Variants in ZNF425 observed in about 807,000 individuals in gnomAD.
ZNF425 encodes the protein zinc finger protein 425.
ZNF425 carries 21 observed loss-of-function variants against 17.0 expected under a neutral mutation model. The ratio of observed to expected loss-of-function variants is 1.23; its 90% confidence interval spans 0.88 to 1.78. ZNF425 has a LOEUF of 1.78. Among genes scored for constraint, ZNF425 ranks in the 40% most tolerant of loss-of-function variants. The probability of loss-of-function intolerance (pLI) is 0.00; values close to 1 mark genes in which losing one functional copy is unlikely to be tolerated. For synonymous variants in ZNF425, 433 were observed against 384.1 expected (o/e 1.13, Z -1.49); for missense variants, 868 against 967.3 (o/e 0.90, Z 1.36).
At position 149,103,739 on chromosome 7, in the gene ZNF425, G is replaced by T. The variant is rs747368889; in HGVS notation, c.2132C>A (p.Ala711Asp). The change falls in exon 4 of 4, where the codon GCC (alanine) becomes GAC (aspartate). Residue 711 changes from alanine (A) to aspartate (D), a missense_variant. Ala to Asp is a moderately radical substitution (Grantham distance 126, BLOSUM62 -2). This residue lies in a region of ZNF425 where 437 missense variants were observed against 444.2 expected (regional missense o/e 0.98). Coordinates refer to ENST00000378061, the MANE Select transcript of ZNF425 (RefSeq NM_001001661.3). ...KGFLQKRSLK[A>D]HLCLHSGERP... ...CTCCCCACTGTGAAGGCACAGATGGGCCTTCAGGCTTCTCTTCTGGAGGAA... is the reference window on the plus strand; with the variant it reads ...CTCCCCACTGTGAAGGCACAGATGGTCCTTCAGGCTTCTCTTCTGGAGGAA... The T allele has an allele frequency of 6.2e-7, 1 of 1,614,066 alleles. No individual in the cohort carries two copies. The highest frequency in any genetic ancestry group is 1.3e-5 in the African/African-American group (1 of 74,934).
At chr7:149,117,124 C>T (rs143505403) in intron 2 of ZNF425, among the ~76,000 whole-genome samples, 111 of 151,906 alleles carry the variant, frequency 7.3e-4, no homozygotes, top group African/African-American at 2.5e-3. Flanking sequence ...AATTAGCCAG[C>T]GCGGTGGCGG....
intron 1 of ZNF425, among the ~76,000 whole-genome samples, chr7:149,121,537 G>A (rs965061944): frequency 1.3e-5 from 2 of 151,848 alleles, no homozygotes; most frequent in East Asian, 1.9e-4. Context: ...AACTGCAGGC[G>A]TGCCCCACCA....
In ZNF425 at chr7:149,117,642, CTTTTTTTTTTT is replaced by C. The variant is rs869026303; in HGVS notation, c.145+569_145+579del. On this transcript the variant is annotated intron_variant, in intron 2 of 3. Coordinates refer to ENST00000378061, the MANE Select transcript of ZNF425 (RefSeq NM_001001661.3). Reference sequence around the variant, plus strand: ...GGGGCAATTAGATTACTTAGTAATTCTTTTTTTTTTTTTTTTTTTTTTTTTTTTGAGATGGA... The same window carrying C: ...GGGGCAATTAGATTACTTAGTAATTCTTTTTTTTTTTTTTTTTGAGATGGA... Among the ~76,000 whole-genome samples, 21 of 54,958 alleles carry C rather than the reference CTTTTTTTTTTT, an allele frequency of 3.8e-4. 2 individuals are homozygous for C. The highest frequency in any genetic ancestry group is 6.1e-4 in the Non-Finnish European group (20 of 32,858). The allele number at this position is 54,958 out of a possible 152,430, so 36.1% of individuals were successfully genotyped here. A position where few individuals can be genotyped will look rare whatever the true frequency, so the allele number is the denominator to read the frequency against.
chr7:149,119,454 T>C (rs1826317391), intron 1 of ZNF425, among the ~76,000 whole-genome samples: 1 of 152,206 alleles, frequency 6.6e-6, no homozygotes. Context: ...TATTGTATAT[T>C]ATAGTACAAT....
At chr7:149,117,205 A>G (rs1826279470) in intron 2 of ZNF425, among the ~76,000 whole-genome samples, 1 of 151,838 alleles carries the variant, frequency 6.6e-6, no homozygotes, top group Non-Finnish European at 1.5e-5. Flanking sequence ...CAGAGGTTGC[A>G]GTGAGCGGAG....
chr7:149,104,236 C>T lies in ZNF425; in HGVS notation c.1635G>A (p.Thr545=), dbSNP rs780695865. The T allele has an allele frequency of 1.2e-6, 2 of 1,613,556 alleles. No individual in the cohort carries two copies. The highest frequency in any genetic ancestry group is 1.7e-6 in the Non-Finnish European group (2 of 1,179,820). Residue 545 remains threonine, a synonymous_variant, in exon 4 of 4, where the codon ACG becomes ACA. Transcript: ENST00000378061. The surrounding 1 kb of genome is among the most constrained non-coding windows in gnomAD (Gnocchi z 4.3). The part of the protein sequence containing the change: ...FRRRAHLTEH[T]RLHSGEEPFQ... ...AGGGCTCCTCGCCACTGTGAAGCCTCGTGTGCTCTGTGAGATGCGCGCGTC... is the reference window on the plus strand; with the variant it reads ...AGGGCTCCTCGCCACTGTGAAGCCTTGTGTGCTCTGTGAGATGCGCGCGTC...
intron 1 of ZNF425, among the ~76,000 whole-genome samples, chr7:149,120,137 C>A (rs1826328188): frequency 6.6e-6 from 1 of 152,182 alleles, no homozygotes; most frequent in South Asian, 2.1e-4. Context: ...TGGCTCACCC[C>A]TGTAATCCCA....
chr7:149,107,337 AT>A (rs1163777625), intron 3 of ZNF425, among the ~76,000 whole-genome samples: 2 of 128,382 alleles, frequency 1.6e-5, no homozygotes, highest in Non-Finnish European at 3.2e-5. Context: ...TTATTTATTT[AT>A]TTATTTATTT....
intron 1 of ZNF425, among the ~76,000 whole-genome samples, chr7:149,125,287 T>C (rs1826442323): frequency 6.6e-6 from 1 of 152,222 alleles, no homozygotes; most frequent in Admixed American, 6.5e-5. Flanking sequence ...CTTAACTGAA[T>C]GTAACAGGGT....
At chr7:149,118,761 G>A (rs1453869228) in intron 1 of ZNF425, 1 of 274,934 alleles carries the variant, frequency 3.6e-6, no homozygotes, top group African/African-American at 2.3e-5. Flanking sequence ...GTTGCAGTGA[G>A]TTGAGATCCT....
In ZNF425 at chr7:149,104,716, C is replaced by T. The variant is rs1345047148; in HGVS notation, c.1155G>A (p.Pro385=). The change falls in exon 4 of 4, where the codon CCG becomes CCA. Residue 385 remains proline, a synonymous_variant. Coordinates refer to ENST00000378061, the MANE Select transcript of ZNF425 (RefSeq NM_001001661.3). The surrounding 1 kb of genome is among the most constrained non-coding windows in gnomAD (Gnocchi z 4.3). ...THQRTHSEEK[P]FSCGECGRKF... ...TCCTGCCACATTCACCACAAGAAAA[C>T]GGCTTTTCCTCGCTGTGCGTCCTCT... 6.2e-6 allele frequency: 10 copies of T among 1,613,364 alleles called. No individual in the cohort carries two copies. The highest frequency in any genetic ancestry group is 8.5e-6 in the Non-Finnish European group (10 of 1,179,996).
At position 149,103,349 on chromosome 7, in the gene ZNF425, C is replaced by G. The variant is rs1826007278; in HGVS notation, c.*263G>C. The stretch of plus-strand genomic sequence containing the variant: ...CTCCTGCCTCAACCTCCCAAAGTAG[C>G]TGGGACCACAAGCATGCACCACAAC... On this transcript the variant is annotated 3_prime_UTR_variant, in exon 4 of 4. Transcript: ENST00000378061. The G allele has an allele frequency of 2.5e-6, 1 of 402,936 alleles. No individual in the cohort carries two copies. The highest frequency in any genetic ancestry group is 4.5e-5 in the East Asian group (1 of 22,360). 25.0% of individuals were successfully genotyped at this position (402,936 alleles called of 1,614,324 possible). A position where few individuals can be genotyped will look rare whatever the true frequency, so the allele number is the denominator to read the frequency against.
At chr7:149,120,083 A>G (rs1273407319) in intron 1 of ZNF425, among the ~76,000 whole-genome samples, 1 of 152,164 alleles carries the variant, frequency 6.6e-6, no homozygotes, top group African/African-American at 2.4e-5. Flanking sequence ...CGAATCTATT[A>G]TCCATCACAA....
Position 149,105,957 on chromosome 7 carries a change from C to CTTT in ZNF425, c.305-394_305-392dup, listed in dbSNP as rs35777509. ...GCCTTTTTTAAAAAAAATTTTTTTC[C>CTTT]TTTTTTTTTTTTTTTTGAGACGGAG... On this transcript the variant is annotated intron_variant, in intron 3 of 3. Coordinates refer to ENST00000378061, the MANE Select transcript of ZNF425 (RefSeq NM_001001661.3). 4.0e-3 allele frequency among the ~76,000 whole-genome samples: 475 copies of CTTT among 119,352 alleles called. 7 individuals carry two copies. Among genetic ancestry groups the CTTT allele is most frequent in the Middle Eastern group, 0.017 (3 of 172 alleles). 78.3% of individuals were successfully genotyped at this position (119,352 alleles called of 152,430 possible).
chr7:149,123,858 T>TTC (rs1826403468), intron 1 of ZNF425, among the ~76,000 whole-genome samples: 1 of 116,090 alleles, frequency 8.6e-6, no homozygotes, highest in African/African-American at 3.1e-5. Flanking sequence ...TTTTTTTTTT[T>TTC]CCTTTTTGAG....
chr7:149,106,559 C>G (rs1400181958), intron 3 of ZNF425, among the ~76,000 whole-genome samples: 2 of 152,146 alleles, frequency 1.3e-5, no homozygotes, highest in Non-Finnish European at 2.9e-5. Context: ...CTTCATGTCA[C>G]TAACAAAGTA....
intron 1 of ZNF425, among the ~76,000 whole-genome samples, chr7:149,124,142 T>A (rs1585493260): frequency 7.3e-6 from 1 of 136,936 alleles, no homozygotes; most frequent in South Asian, 2.5e-4. Flanking sequence ...CTACCACGCC[T>A]GGCCTGGCCT....
At chr7:149,121,079 C>CTTTT (rs75534831) in intron 1 of ZNF425, among the ~76,000 whole-genome samples, 27 of 62,780 alleles carry the variant, frequency 4.3e-4, no homozygotes, top group African/African-American at 6.1e-4. Context: ...TTTTACATTC[C>CTTTT]TTTTTTTTTT....
intron 3 of ZNF425, among the ~76,000 whole-genome samples, chr7:149,110,850 A>C: frequency 7.0e-6 from 1 of 142,254 alleles, no homozygotes; most frequent in East Asian, 2.2e-4. Context: ...GCTGGAGTGC[A>C]GTGGTGCAAT....
Sources: gnomAD v4.1 joint callset for allele counts (sites outside exome capture counted in the v4.1 genomes callset) on GRCh38, gnomAD v4.1.1 for gene constraint, gnomAD v4.1.1 regional missense constraint, Gnocchi (gnomAD v3.1) non-coding constraint, MANE v1.5 for transcripts, NCBI Gene and HGNC (gene_info 2026-07-23, HGNC 2026-07-21) for gene names.